Variants in FAM135A observed in about 807,000 individuals in gnomAD.
FAM135A encodes the protein family with sequence similarity 135 member A.
Under a neutral mutation model 146.8 loss-of-function variants are expected in FAM135A, and 79 were observed. The ratio of observed to expected loss-of-function variants is 0.54; its 90% CI spans 0.45 to 0.65. The LOEUF is 0.65. FAM135A is among the 30% of genes least tolerant of loss of function. The probability of loss-of-function intolerance (pLI) is 0.00; values close to 1 mark genes in which losing one functional copy is unlikely to be tolerated. For missense variants in FAM135A, 1,623 were observed against 1,758.2 expected (o/e 0.92, Z 1.38); for synonymous variants, 562 against 603.6 (o/e 0.93, Z 1.01).
In FAM135A at chr6:70,559,894, G is replaced by C; in HGVS notation, c.4521G>C (p.Leu1507=). 1.9e-6 allele frequency: 3 copies of C among 1,613,516 alleles called. No individual in the cohort carries two copies. Among genetic ancestry groups the C allele is most frequent in the African/African-American group, 1.3e-5 (1 of 74,996 alleles). The change falls in exon 22 of 22, where the codon CTG becomes CTC. Residue 1507 remains leucine (L), a synonymous_variant. Coordinates refer to ENST00000418814, the MANE Select transcript of FAM135A (RefSeq NM_001162529.3). The part of the protein sequence containing the change: ...DSEIFLEKFF[L]VAALKYFQ ...AAATATTTTTAGAGAAATTCTTTCTGGTTGCTGCCCTCAAATATTTCCAAT... is the reference window on the plus strand; with the variant it reads ...AAATATTTTTAGAGAAATTCTTTCTCGTTGCTGCCCTCAAATATTTCCAAT...
chr6:70,472,951 C>G (rs944740630), intron 5 of FAM135A, among the ~76,000 whole-genome samples: 3 of 152,170 alleles, frequency 2.0e-5, no homozygotes, highest in Non-Finnish European at 4.4e-5. Context: ...TTAAGGTGCT[C>G]TCTTCCCAGC....
intron 11 of FAM135A, 101 bp downstream of exon 11, chr6:70,491,184 C>G (rs2128218382): frequency 5.3e-6 from 5 of 950,496 alleles, no homozygotes; most frequent in Non-Finnish European, 7.8e-6. Flanking sequence ...TTTATAGTTC[C>G]TAAAATGCAA....
chr6:70,424,616 CT>C (rs1410782584), intron 2 of FAM135A, among the ~76,000 whole-genome samples: 1 of 152,168 alleles, frequency 6.6e-6, no homozygotes, highest in Admixed American at 6.5e-5. Context: ...TCAAGAATTC[CT>C]TTGACCAAGG....
chr6:70,428,404 A>G lies in FAM135A; in HGVS notation c.62A>G (p.Asp21Gly), dbSNP rs760936888. 2 of 1,603,348 alleles carry G rather than the reference A, an allele frequency of 1.2e-6. No homozygotes were observed. The highest frequency in any genetic ancestry group is 1.7e-6 in the Non-Finnish European group (2 of 1,175,124). The change falls in exon 4 of 22, where the codon GAT becomes GGT. Residue 21 changes from aspartate (D) to glycine (G), a missense_variant. This residue lies in a region of FAM135A where 171 missense variants were observed against 164.9 expected (regional missense o/e 1.04). Coordinates refer to ENST00000418814, the MANE Select transcript of FAM135A (RefSeq NM_001162529.3). ...SVELNKFYNV[D>G]LFQRGFYQIR... is the part of the protein sequence containing the mutation. ...GAGCTAAACAAGTTCTACAATGTGGATTTGTTTCAGAGAGGGTATGTATTT... is the reference window on the plus strand; with the variant it reads ...GAGCTAAACAAGTTCTACAATGTGGGTTTGTTTCAGAGAGGGTATGTATTT...
At position 70,536,838 on chromosome 6, in the gene FAM135A, A is replaced by G. The variant is rs1582827895; in HGVS notation, c.4117+427A>G. Among the ~76,000 whole-genome samples the G allele has an allele frequency of 2.0e-5, 3 of 152,110 alleles. No individual in the cohort carries two copies. The South Asian group carries it at 6.2e-4, about 32-fold the overall frequency. On this transcript the variant is annotated intron_variant, in intron 19 of 21. Transcript: ENST00000418814. Reference sequence around the variant, plus strand: ...GAGATATGAGAATATAATTTTTACGAAGGTGATTCAGAATTTCTGAAGAAG... The same window carrying G: ...GAGATATGAGAATATAATTTTTACGGAGGTGATTCAGAATTTCTGAAGAAG...
chr6:70,558,850 G>A (rs1011779753), intron 21 of FAM135A, among the ~76,000 whole-genome samples: 5 of 151,996 alleles, frequency 3.3e-5, no homozygotes, highest in Admixed American at 6.6e-5. Flanking sequence ...AAAATAAGGA[G>A]AGAGGAACAC....
At chr6:70,553,190 C>T (rs2128492582) in intron 20 of FAM135A, among the ~76,000 whole-genome samples, 1 of 152,274 alleles carries the variant, frequency 6.6e-6, no homozygotes, top group South Asian at 2.1e-4. Flanking sequence ...GGGACTTCAG[C>T]CATGCCCAGT....
At position 70,521,442 on chromosome 6, in the gene FAM135A, TAA is replaced by T. The variant is rs1403752262; in HGVS notation, c.1030-1069_1030-1068del. Among the ~76,000 whole-genome samples, 4 of 152,214 alleles carry T rather than the reference TAA, an allele frequency of 2.6e-5. No individual in the cohort carries two copies. The East Asian group carries it at 7.7e-4, about 29-fold the overall frequency. Reference sequence around the variant, plus strand: ...AAAGCATTTGGACCACATATGAAAGTAAAGACACAGAATGCATCCTTCTCATT... The same window carrying T: ...AAAGCATTTGGACCACATATGAAAGTAGACACAGAATGCATCCTTCTCATT... On this transcript the variant is annotated intron_variant, in intron 12 of 21. Transcript: ENST00000418814.
intron 5 of FAM135A, among the ~76,000 whole-genome samples, chr6:70,461,143 T>C (rs763145487): frequency 1.4e-4 from 21 of 152,128 alleles, no homozygotes; most frequent in Non-Finnish European, 2.6e-4. Context: ...TAAATCTTAA[T>C]GTAGTTTAGA....
intron 10 of FAM135A, 25 bp downstream of exon 10, chr6:70,482,179 T>C (rs764796031): frequency 1.9e-6 from 3 of 1,609,880 alleles, no homozygotes; most frequent in Non-Finnish European, 8.5e-7. Context: ...GCGAGACTTA[T>C]TCTACAGTTC....
intron 9 of FAM135A, among the ~76,000 whole-genome samples, 200 bp from the exon 10 acceptor site, chr6:70,481,801 C>A (rs1275440233): frequency 1.3e-5 from 2 of 152,130 alleles, no homozygotes; most frequent in Non-Finnish European, 2.9e-5. Flanking sequence ...TAAAAACCCA[C>A]TGTAACAGAA....
chr6:70,459,894 G>A (rs1442585477), intron 5 of FAM135A, among the ~76,000 whole-genome samples: 1 of 152,154 alleles, frequency 6.6e-6, no homozygotes, highest in African/African-American at 2.4e-5. Flanking sequence ...AGCCAGGCGT[G>A]GTGGCGGGTG....
At chr6:70,421,136 A>G (rs776461245) in intron 2 of FAM135A, among the ~76,000 whole-genome samples, 12 of 152,090 alleles carry the variant, frequency 7.9e-5, no homozygotes, top group Non-Finnish European at 1.3e-4. Flanking sequence ...TGCTTGTCTC[A>G]GCCTCCCAAA....
At chr6:70,446,683 C>T (rs749018692) in intron 4 of FAM135A, among the ~76,000 whole-genome samples, 12 of 152,050 alleles carry the variant, frequency 7.9e-5, no homozygotes, top group South Asian at 2.1e-4. Context: ...GCATTATTAC[C>T]GGCCAAGATT....
chr6:70,443,491 T>C (rs1282527545), intron 4 of FAM135A, among the ~76,000 whole-genome samples: 1 of 152,228 alleles, frequency 6.6e-6, no homozygotes, highest in Non-Finnish European at 1.5e-5. Flanking sequence ...AACCAGCAGG[T>C]TTGTGTAAGT....
intron 20 of FAM135A, among the ~76,000 whole-genome samples, chr6:70,547,653 A>G (rs978046741): frequency 2.0e-5 from 3 of 152,208 alleles, no homozygotes; most frequent in African/African-American, 4.8e-5. Flanking sequence ...TAAACACAAA[A>G]TGACTCAAAG....
chr6:70,522,323 A>G (rs1793779650), intron 12 of FAM135A, among the ~76,000 whole-genome samples, 190 bp from the exon 13 acceptor site: 1 of 149,398 alleles, frequency 6.7e-6, no homozygotes, highest in Non-Finnish European at 1.5e-5. Context: ...TTATATTTAT[A>G]TATGCTTTCC....
Position 70,526,671 on chromosome 6 carries a change from A to G in FAM135A, c.3587A>G (p.Glu1196Gly). ...YNFTSSISWY[E>G]SSPKPQIQAF... ...TTCACTTCTTCGATTTCCTGGTATG[A>G]AAGTTCACCAAAACCTCAAATACAA... Residue 1196 changes from glutamate to glycine, a missense_variant, in exon 15 of 22, where the codon GAA (glutamate) becomes GGA (glycine). By Grantham distance (98) the Glu-to-Gly change is moderately conservative. Transcript: ENST00000418814. 1 of 1,602,888 alleles carries G rather than the reference A, an allele frequency of 6.2e-7. No individual in the cohort carries two copies. Among genetic ancestry groups the G allele is most frequent in the Non-Finnish European group, 8.5e-7 (1 of 1,175,508 alleles).
At chr6:70,497,790 A>G (rs764093739) in intron 11 of FAM135A, among the ~76,000 whole-genome samples, 2 of 152,098 alleles carry the variant, frequency 1.3e-5, no homozygotes, top group Non-Finnish European at 2.9e-5. Context: ...TGATTTGCAT[A>G]TGTTGAACCA....
Sources: gnomAD v4.1 joint callset for allele counts (sites outside exome capture counted in the v4.1 genomes callset) on GRCh38, gnomAD v4.1.1 for gene constraint, gnomAD v4.1.1 regional missense constraint, MANE v1.5 for transcripts, NCBI Gene and HGNC (gene_info 2026-07-23, HGNC 2026-07-21) for gene names.